LRRC7: variants seen among roughly 807,000 people sequenced by gnomAD.
The protein encoded by LRRC7 is leucine-rich repeat-containing protein 7.
A neutral mutation model predicts 175.7 loss-of-function variants in LRRC7; 23 were observed. That is an observed-to-expected ratio of 0.13 (90% CI 0.09 to 0.19). The LOEUF (loss-of-function observed/expected upper bound fraction) is 0.19. LRRC7 is among the 10% of genes least tolerant of loss of function. LRRC7 has a pLI of 1.00. For synonymous variants in LRRC7, 685 were observed against 680.9 expected, an observed-to-expected ratio of 1.01 and a Z score of -0.09; for missense variants, 1,354 against 1,904.7, an observed-to-expected ratio of 0.71 and a Z score of 5.38.
At position 69,760,249 on chromosome 1, in the gene LRRC7, A is replaced by C; in HGVS notation, c.159A>C (p.Arg53=). The C allele has an allele frequency of 5.6e-6, 9 of 1,612,802 alleles. No homozygotes were observed. Among genetic ancestry groups the C allele is most frequent in the Non-Finnish European group, 6.8e-6 (8 of 1,179,298 alleles). Residue 53 remains arginine, a synonymous_variant, in exon 3 of 27, where the codon CGA becomes CGC. Coordinates refer to ENST00000651989, the MANE Select transcript of LRRC7 (RefSeq NM_001370785.2). ...RKIIGRLVPC[R]CFRGEEEIIS... is the part of the protein sequence containing the mutation. ...TCATCGGCCGTCTGGTGCCATGCCGATGTTTCCGAGGTGAAGAAGAAATCA... is the reference window on the plus strand; with the variant it reads ...TCATCGGCCGTCTGGTGCCATGCCGCTGTTTCCGAGGTGAAGAAGAAATCA...
intron 1 of LRRC7, among the ~76,000 whole-genome samples, chr1:69,601,087 A>T (rs1647050991): frequency 6.6e-6 from 1 of 152,090 alleles, no homozygotes; most frequent in Non-Finnish European, 1.5e-5. Context: ...AAGTGCTGGG[A>T]TTACAGGCAT....
intron 5 of LRRC7, among the ~76,000 whole-genome samples, chr1:69,826,179 T>C (rs184117703): frequency 9.9e-5 from 15 of 152,264 alleles, no homozygotes; most frequent in Admixed American, 9.8e-4. Context: ...AAGTTCAAGA[T>C]ACTGCAAGAG....
chr1:70,092,665 T>C (rs1271326865), intron 25 of LRRC7, among the ~76,000 whole-genome samples: 1 of 152,114 alleles, frequency 6.6e-6, no homozygotes, highest in African/African-American at 2.4e-5. Context: ...GAAACAGTCA[T>C]CTCAAAAAGC....
Position 70,023,370 on chromosome 1 carries a change from G to T in LRRC7, c.1790G>T (p.Arg597Ile), listed in dbSNP as rs770215222. 6.1e-5 allele frequency: 97 copies of T among 1,588,442 alleles called. No individual in the cohort carries two copies. The highest frequency in any genetic ancestry group is 7.3e-5 in the Non-Finnish European group (85 of 1,164,284). The change falls in exon 17 of 27, where the codon AGA (arginine) becomes ATA (isoleucine). Residue 597 changes from arginine (R) to isoleucine (I), a missense_variant. By Grantham distance (97) the Arg-to-Ile change is moderately conservative. Around this residue, in one of 4 missense-constraint regions of LRRC7, gnomAD observed 1,032 missense variants for 1,227.2 expected, o/e 0.84. Transcript: ENST00000651989. ...ACCACTCTTCCCTCTCTAAGTGGCAGACAGGTAGGCCTAGGTGTCTGGGGT... is the reference window on the plus strand; with the variant it reads ...ACCACTCTTCCCTCTCTAAGTGGCATACAGGTAGGCCTAGGTGTCTGGGGT... ...QSTTLPSLSG[R>I]QVEINLKRYP...
At chr1:70,018,920 G>A in intron 15 of LRRC7, 102 bp downstream of exon 15, 1 of 758,798 alleles carries the variant, frequency 1.3e-6, no homozygotes, top group Non-Finnish European at 2.2e-6. Flanking sequence ...ACATGGACAA[G>A]CTTATAAAGA....
At chr1:69,700,301 C>T (rs1663180537) in intron 2 of LRRC7, among the ~76,000 whole-genome samples, 1 of 152,142 alleles carries the variant, frequency 6.6e-6, no homozygotes, top group Non-Finnish European at 1.5e-5. Context: ...TTGGAAGCAA[C>T]AGTAAGTATT....
chr1:69,690,069 C>T (rs1661646104), intron 2 of LRRC7, among the ~76,000 whole-genome samples: 1 of 152,136 alleles, frequency 6.6e-6, no homozygotes, highest in African/African-American at 2.4e-5. Flanking sequence ...AAATAACTTA[C>T]CAAAATTACA....
chr1:69,620,906 T>C (rs1370292956), intron 1 of LRRC7, among the ~76,000 whole-genome samples: 1 of 152,182 alleles, frequency 6.6e-6, no homozygotes, highest in East Asian at 1.9e-4. Context: ...AGTTTTGTTA[T>C]CCCTGTTTCA....
intron 7 of LRRC7, among the ~76,000 whole-genome samples, chr1:69,926,713 G>A (rs1647086463): frequency 1.3e-5 from 2 of 152,112 alleles, no homozygotes; most frequent in African/African-American, 4.8e-5. Context: ...CTGCACGTGA[G>A]ATGGGTGTCC....
chr1:70,087,250 A>C (rs1441109994), intron 24 of LRRC7, among the ~76,000 whole-genome samples: 1 of 152,034 alleles, frequency 6.6e-6, no homozygotes, highest in African/African-American at 2.4e-5. Context: ...ACTGGAAACT[A>C]CTCTCAGCAA....
At chr1:69,971,884 G>A (rs551238356) in intron 8 of LRRC7, among the ~76,000 whole-genome samples, 6 of 152,094 alleles carry the variant, frequency 3.9e-5, no homozygotes, top group South Asian at 2.1e-4. Context: ...CTATAAGGCC[G>A]TAGTCACCAA....
At chr1:69,859,226 A>G (rs966520194) in intron 7 of LRRC7, among the ~76,000 whole-genome samples, 4 of 152,164 alleles carry the variant, frequency 2.6e-5, no homozygotes, top group Non-Finnish European at 5.9e-5. Context: ...ATCTGTGTAT[A>G]TGAGAATCAT....
At chr1:69,886,809 C>G (rs892439495) in intron 7 of LRRC7, among the ~76,000 whole-genome samples, 22 of 150,068 alleles carry the variant, frequency 1.5e-4, no homozygotes, top group Admixed American at 1.5e-3. Context: ...TTAGGGCAGG[C>G]CTGGTGGTGA....
At chr1:69,716,176 T>G (rs2100751533) in intron 2 of LRRC7, 1 of 457,216 alleles carries the variant, frequency 2.2e-6, no homozygotes, top group East Asian at 3.4e-5. Flanking sequence ...CAAGTCAAAG[T>G]GGTCACAACC....
chr1:69,639,525 C>A (rs922754107), intron 1 of LRRC7, among the ~76,000 whole-genome samples: 1 of 151,746 alleles, frequency 6.6e-6, no homozygotes, highest in Non-Finnish European at 1.5e-5. Context: ...TATGAAAGGA[C>A]TCTGAATGTT....
At chr1:69,841,034 A>G (rs998490470) in intron 7 of LRRC7, among the ~76,000 whole-genome samples, 2 of 152,018 alleles carry the variant, frequency 1.3e-5, no homozygotes, top group Non-Finnish European at 2.9e-5. Context: ...TTGTTTGTGT[A>G]AGAGTATCTC....
At chr1:70,039,868 T>C in intron 21 of LRRC7, 75 bp downstream of exon 21, 1 of 1,488,508 alleles carries the variant, frequency 6.7e-7, no homozygotes. Context: ...TAAGCACATG[T>C]AGTGAAGCAT....
chr1:69,805,492 C>A (rs1019047927), intron 4 of LRRC7, among the ~76,000 whole-genome samples: 4 of 151,782 alleles, frequency 2.6e-5, no homozygotes, highest in African/African-American at 9.7e-5. Context: ...ACCATTACAC[C>A]ATTTATTTAG....
chr1:69,909,907 C>A (rs933879405), intron 7 of LRRC7, among the ~76,000 whole-genome samples: 11 of 152,146 alleles, frequency 7.2e-5, no homozygotes, highest in Non-Finnish European at 1.0e-4. Context: ...TTCAGGTACA[C>A]CAATCAGACA....
Sources: allele counts gnomAD v4.1 joint callset (sites outside exome capture counted in the v4.1 genomes callset), GRCh38; gene constraint gnomAD v4.1.1; regional missense constraint gnomAD v4.1.1; transcripts MANE v1.5; gene names NCBI Gene and HGNC (gene_info 2026-07-23, HGNC 2026-07-21).